Variants in PLEKHA6 observed in about 807,000 individuals in gnomAD.
The protein encoded by PLEKHA6 is pleckstrin homology domain-containing family A member 6.
In PLEKHA6, 60 loss-of-function variants were observed where a neutral mutation model predicts 116.7. That is an observed-to-expected ratio of 0.51 (90% CI 0.42 to 0.64). The LOEUF (loss-of-function observed/expected upper bound fraction) is 0.64. PLEKHA6 is among the 30% of genes least tolerant of loss of function. The probability of loss-of-function intolerance (pLI) is 0.00; values close to 1 mark genes in which losing one functional copy is unlikely to be tolerated. For synonymous variants in PLEKHA6, 489 were observed against 556.1 expected, an observed-to-expected ratio of 0.88 and a Z score of 1.70; for missense variants, 1,338 against 1,422.7, an observed-to-expected ratio of 0.94 and a Z score of 0.96.
intron 1 of PLEKHA6, among the ~76,000 whole-genome samples, chr1:204,343,098 A>T (rs1427167309): frequency 2.6e-5 from 4 of 152,178 alleles, no homozygotes; most frequent in Admixed American, 6.5e-5. Flanking sequence ...TCTAAGCCTG[A>T]CAGCTGTCCG....
chr1:204,325,529 G>A (rs576889067), intron 1 of PLEKHA6, among the ~76,000 whole-genome samples: 2 of 152,322 alleles, frequency 1.3e-5, no homozygotes, highest in Non-Finnish European at 2.9e-5. Flanking sequence ...AATATTGAGA[G>A]CTCAGGTCCC....
At chr1:204,244,384 A>AC (rs200628431) in intron 15 of PLEKHA6, among the ~76,000 whole-genome samples, 6,937 of 149,350 alleles carry the variant, frequency 0.046, 242 homozygotes, top group Middle Eastern at 0.078. Flanking sequence ...CTAGCGATCC[A>AC]CCCGCCTTGG....
intron 1 of PLEKHA6, among the ~76,000 whole-genome samples, chr1:204,320,266 G>A (rs1672011685): frequency 6.6e-6 from 1 of 152,170 alleles, no homozygotes; most frequent in Admixed American, 6.5e-5. Context: ...TAGGAGGATG[G>A]TGGCATGCAA....
chr1:204,275,084 ACTCT>A, intron 1 of PLEKHA6: 3 of 239,824 alleles, frequency 1.3e-5, no homozygotes, highest in South Asian at 1.5e-4. Flanking sequence ...GCCACACTGA[ACTCT>A]TTCAGTGGTT....
intron 1 of PLEKHA6, among the ~76,000 whole-genome samples, chr1:204,341,498 C>T (rs1241893965): frequency 6.6e-6 from 1 of 152,172 alleles, no homozygotes; most frequent in African/African-American, 2.4e-5. Flanking sequence ...GGAGCTATAA[C>T]CAGTTCATCT....
At chr1:204,288,203 G>A (rs114747701) in intron 1 of PLEKHA6, among the ~76,000 whole-genome samples, 2,110 of 152,262 alleles carry the variant, frequency 0.014, 46 homozygotes, top group African/African-American at 0.048. Flanking sequence ...CCAGGTCCCT[G>A]GTGGGTAGCA....
chr1:204,377,007 G>A (rs530153042), intron 1 of PLEKHA6, among the ~76,000 whole-genome samples: 12 of 152,250 alleles, frequency 7.9e-5, no homozygotes, highest in Admixed American at 3.3e-4. Flanking sequence ...TAGCAAAGGC[G>A]CGCTCTCTCT....
At chr1:204,292,901 AGCTGTT>A (rs1031899655) in intron 1 of PLEKHA6, among the ~76,000 whole-genome samples, 4 of 63,794 alleles carry the variant, frequency 6.3e-5, no homozygotes, top group African/African-American at 3.2e-4. Context: ...AGCAGCTGGA[AGCTGTT>A]AGTGTTAGAG....
chr1:204,272,927 C>T (rs1667620077), intron 3 of PLEKHA6, among the ~76,000 whole-genome samples: 1 of 152,100 alleles, frequency 6.6e-6, no homozygotes, highest in African/African-American at 2.4e-5. Context: ...CTTAGAAGAG[C>T]GGTTTCTATG....
chr1:204,244,225 G>A (rs1301335060), intron 15 of PLEKHA6, among the ~76,000 whole-genome samples: 1 of 151,734 alleles, frequency 6.6e-6, no homozygotes, highest in Non-Finnish European at 1.5e-5. Context: ...TCCACCTCCT[G>A]GGTTCAAGCA....
Position 204,257,407 on chromosome 1 carries a change from G to A in PLEKHA6, c.1470C>T (p.Asp490=), listed in dbSNP as rs1430633377. The A allele has an allele frequency of 1.9e-6, 3 of 1,564,102 alleles. No individual in the cohort carries two copies. In the African/African-American group the frequency reaches 4.1e-5, roughly 21 times the overall value. ...RFERLPPRSE[D]IYADPAAYVM... Reference sequence around the variant, plus strand: ...CATAGGCAGCAGGGTCAGCATAGATGTCCTCACTGCGAGGTGGCAGCCGCT... The same window carrying A: ...CATAGGCAGCAGGGTCAGCATAGATATCCTCACTGCGAGGTGGCAGCCGCT... Residue 490 remains aspartate, a synonymous_variant, in exon 9 of 23, where the codon GAC becomes GAT. Transcript: ENST00000272203. The surrounding 1 kb of genome is among the most constrained non-coding windows in gnomAD (Gnocchi z 6.5).
At chr1:204,326,992 C>G (rs1672264827) in intron 1 of PLEKHA6, 7 of 985,242 alleles carry the variant, frequency 7.1e-6, no homozygotes, top group Non-Finnish European at 8.4e-6. Flanking sequence ...ACGGCAGCCT[C>G]TGTAGTAGGG....
chr1:204,335,517 C>T (rs969113386), intron 1 of PLEKHA6, among the ~76,000 whole-genome samples: 2 of 152,106 alleles, frequency 1.3e-5, no homozygotes, highest in Non-Finnish European at 2.9e-5. Flanking sequence ...GGCATCTTTA[C>T]GCCGCAGTGG....
rs968207642 is a variant in PLEKHA6, at chr1:204,241,539, C to T, written c.2303-58G>A. ...TGGAGAGCAGGAAGGCAGGAAGCCT[C>T]CTTCTCAGAGACAATCTCAGCCCCA... On this transcript the variant is annotated intron_variant, in intron 16 of 22. Transcript: ENST00000272203. 1.1e-5 allele frequency: 15 copies of T among 1,420,068 alleles called. No individual in the cohort carries two copies. The East Asian group carries it at 1.9e-4, about 18-fold the overall frequency. The allele number at this position is 1,420,068 out of a possible 1,614,324, so 88.0% of individuals were successfully genotyped here. A position where few individuals can be genotyped will look rare whatever the true frequency, so the allele number is the denominator to read the frequency against.
upstream of PLEKHA6, among the ~76,000 whole-genome samples, chr1:204,362,257 AGAG>A (rs958048965): frequency 2.0e-5 from 3 of 152,202 alleles, no homozygotes; most frequent in African/African-American, 4.8e-5. Context: ...CGAGCCCAGA[AGAG>A]GAGAAGCAAG....
In PLEKHA6 at chr1:204,268,313, C is replaced by T; in HGVS notation, c.103-1G>A. ...CGGCTTTGCGGGCTGTGCGAGTTGC[C>T]TGGGGGCAGAGAGAGAAGCTGATCT... On this transcript the variant is annotated splice_acceptor_variant, in intron 3 of 22. Coordinates refer to ENST00000272203, the MANE Select transcript of PLEKHA6 (RefSeq NM_014935.5). LOFTEE classifies it high-confidence loss of function. 1.2e-6 allele frequency: 2 copies of T among 1,602,954 alleles called. No individual in the cohort carries two copies. Among genetic ancestry groups the T allele is most frequent in the Admixed American group, 1.7e-5 (1 of 58,278 alleles).
intron 17 of PLEKHA6, among the ~76,000 whole-genome samples, chr1:204,235,820 C>A (rs772384600): frequency 2.0e-5 from 3 of 152,200 alleles, no homozygotes; most frequent in Non-Finnish European, 4.4e-5. Flanking sequence ...CCCTCCCCGA[C>A]CCATGCTGCC....
intron 15 of PLEKHA6, chr1:204,243,291 G>C: frequency 2.5e-6 from 1 of 399,790 alleles, no homozygotes; most frequent in Admixed American, 4.4e-5. Context: ...CAGAGCATTA[G>C]GAGGAACAAG....
intron 1 of PLEKHA6, among the ~76,000 whole-genome samples, chr1:204,335,141 C>T (rs907428896): frequency 7.2e-5 from 11 of 152,102 alleles, no homozygotes; most frequent in East Asian, 1.9e-4. Flanking sequence ...AAACAGACAG[C>T]GGCACTTTCC....
Sources: gnomAD v4.1 joint callset for allele counts (sites outside exome capture counted in the v4.1 genomes callset) on GRCh38, gnomAD v4.1.1 for gene constraint, Gnocchi (gnomAD v3.1) non-coding constraint, MANE v1.5 for transcripts, NCBI Gene and HGNC (gene_info 2026-07-23, HGNC 2026-07-21) for gene names.